The following PDE6H variants were observed in gnomAD, a reference collection of about 807,000 sequenced individuals.
The protein encoded by PDE6H is phosphodiesterase 6H, also known as retinal cone rhodopsin-sensitive cGMP 3',5'-cyclic phosphodiesterase subunit gamma.
Under a neutral mutation model 9.2 loss-of-function variants are expected in PDE6H, and 11 were observed. That is an observed-to-expected ratio of 1.19 (90% CI 0.75 to 1.97). PDE6H has a LOEUF of 1.97. Ranked by LOEUF, PDE6H falls within the 30% of genes most tolerant of loss-of-function variation. PDE6H has a pLI of 0.00. For synonymous variants in PDE6H, 36 were observed against 33.6 expected (o/e 1.07, Z -0.25); for missense variants, 98 against 101.5 (o/e 0.97, Z 0.15).
intron 1 of PDE6H, among the ~76,000 whole-genome samples, chr12:14,976,426 G>C (rs1039379658): frequency 6.6e-6 from 1 of 152,196 alleles, no homozygotes; most frequent in African/African-American, 2.4e-5. Flanking sequence ...AAACAGTATG[G>C]ACTGGAAGTT....
intron 3 of PDE6H, among the ~76,000 whole-genome samples, chr12:14,980,471 C>T (rs1185337407): frequency 6.6e-6 from 1 of 152,208 alleles, no homozygotes; most frequent in African/African-American, 2.4e-5. Flanking sequence ...ATTTTCAACT[C>T]ATCCAACACA....
At chr12:14,975,890 A>G (rs1864586953) in intron 1 of PDE6H, among the ~76,000 whole-genome samples, 2 of 143,946 alleles carry the variant, frequency 1.4e-5, no homozygotes, top group Non-Finnish European at 1.5e-5. Context: ...GCACAATCTC[A>G]GCTCACTGCA....
chr12:14,979,100 C>A, intron 2 of PDE6H, 79 bp from the exon 3 acceptor site: 1 of 909,880 alleles, frequency 1.1e-6, no homozygotes, highest in Non-Finnish European at 1.8e-6. Context: ...CCCCTTGAAT[C>A]AAGAAACTCT....
intron 1 of PDE6H, among the ~76,000 whole-genome samples, chr12:14,975,631 G>A (rs750323441): frequency 6.6e-6 from 1 of 151,972 alleles, no homozygotes; most frequent in Non-Finnish European, 1.5e-5. Flanking sequence ...ACAGACACAA[G>A]GTTTGCCTGT....
Position 14,978,164 on chromosome 12 carries a change from A to G in PDE6H, c.134+18A>G. The stretch of plus-strand genomic sequence containing the variant: ...GTGAAAGGGTAAGACCAAAATGAAA[A>G]GAAAAACTTTCTATTACTTTCTTTT... On this transcript the variant is annotated intron_variant, in intron 2 of 3. Transcript: ENST00000266395. 1.2e-6 allele frequency: 2 copies of G among 1,611,412 alleles called. No individual in the cohort carries two copies. The highest frequency in any genetic ancestry group is 8.5e-7 in the Non-Finnish European group (1 of 1,178,284).
chr12:14,976,923 T>G (rs2120823707), intron 1 of PDE6H, among the ~76,000 whole-genome samples: 1 of 152,322 alleles, frequency 6.6e-6, no homozygotes, highest in East Asian at 1.9e-4. Flanking sequence ...TCATCCAAAA[T>G]GACACATTAA....
intron 1 of PDE6H, among the ~76,000 whole-genome samples, chr12:14,975,842 A>C (rs1592304523): frequency 7.7e-6 from 1 of 130,478 alleles, no homozygotes; most frequent in Non-Finnish European, 1.6e-5. Flanking sequence ...TTTTTTGGAG[A>C]CGGGGTCTTG....
At chr12:14,979,044 A>G (rs1864640079) in intron 2 of PDE6H, 135 bp from the exon 3 acceptor site, 2 of 706,548 alleles carry the variant, frequency 2.8e-6, no homozygotes, top group Admixed American at 4.1e-5. Context: ...TTCAGGGCAA[A>G]CTAAAGGAGT....
intron 2 of PDE6H, 57 bp downstream of exon 2, chr12:14,978,203 C>A (rs572688764): frequency 1.3e-6 from 2 of 1,545,736 alleles, no homozygotes; most frequent in Non-Finnish European, 1.8e-6. Context: ...CACAAGACTG[C>A]TTTTGTTTTG....
chr12:14,979,464 C>A (rs1197022872), intron 3 of PDE6H, among the ~76,000 whole-genome samples: 1 of 152,158 alleles, frequency 6.6e-6, no homozygotes, highest in Admixed American at 6.5e-5. Flanking sequence ...GTCAAACAAC[C>A]TTTGAGGGCA....
intron 2 of PDE6H, 109 bp from the exon 3 acceptor site, chr12:14,979,070 A>C (rs761320078): frequency 7.5e-5 from 57 of 760,634 alleles, no homozygotes; most frequent in Non-Finnish European, 1.3e-4. Context: ...ACATACAAAC[A>C]CTTAAACCTC....
At chr12:14,975,366 TA>T (rs1864576158) in intron 1 of PDE6H, among the ~76,000 whole-genome samples, 1 of 88,980 alleles carries the variant, frequency 1.1e-5, no homozygotes, top group Admixed American at 1.2e-4. Context: ...GGGTGTCTTG[TA>T]ATTTTTTTTT....
intron 1 of PDE6H, among the ~76,000 whole-genome samples, chr12:14,975,270 A>G (rs547528174): frequency 6.6e-6 from 1 of 152,210 alleles, no homozygotes; most frequent in South Asian, 2.1e-4. Flanking sequence ...AAAAAAAATG[A>G]CTTTTTAAAG....
chr12:14,974,490 G>T (rs965829444), intron 1 of PDE6H, among the ~76,000 whole-genome samples: 1 of 152,196 alleles, frequency 6.6e-6, no homozygotes, highest in Non-Finnish European at 1.5e-5. Flanking sequence ...TTCTGAGGAG[G>T]CTTCTTTCAT....
chr12:14,974,975 C>T (rs1441336293), intron 1 of PDE6H, among the ~76,000 whole-genome samples: 1 of 152,166 alleles, frequency 6.6e-6, no homozygotes, highest in East Asian at 1.9e-4. Flanking sequence ...CCCCATAACT[C>T]TAAAAGGAAG....
intron 1 of PDE6H, among the ~76,000 whole-genome samples, chr12:14,973,432 A>C (rs1010560245): frequency 6.6e-6 from 1 of 152,170 alleles, no homozygotes; most frequent in Non-Finnish European, 1.5e-5. Flanking sequence ...AACCACAGAG[A>C]AAACAGTTCT....
chr12:14,976,629 T>C (rs1456553729), intron 1 of PDE6H, among the ~76,000 whole-genome samples: 1 of 151,850 alleles, frequency 6.6e-6, no homozygotes, highest in Non-Finnish European at 1.5e-5. Flanking sequence ...TTTGAGGCTG[T>C]AGTGAGCTAT....
Position 14,979,220 on chromosome 12 carries a change from G to A in PDE6H, c.175+1G>A. On this transcript the variant is annotated splice_donor_variant, in intron 3 of 3. Transcript: ENST00000266395. LOFTEE classifies it high-confidence loss of function. ...CCAGGAATGGAGGGGCTAGGAACAG[G>A]TAAGCCATCCACTGATTTAAGTGAG... is the stretch of plus-strand genomic sequence containing the variant. The A allele has an allele frequency of 1.2e-6, 2 of 1,603,628 alleles. No individual in the cohort carries two copies. Among genetic ancestry groups the A allele is most frequent in the South Asian group, 2.2e-5 (2 of 90,806 alleles).
At chr12:14,973,417 T>A (rs1242241925) in intron 1 of PDE6H, among the ~76,000 whole-genome samples, 1 of 152,178 alleles carries the variant, frequency 6.6e-6, no homozygotes, top group Non-Finnish European at 1.5e-5. Flanking sequence ...TCTGTGGCAC[T>A]AAATAACCAC....
Sources: gnomAD v4.1 joint callset for allele counts (sites outside exome capture counted in the v4.1 genomes callset) on GRCh38, gnomAD v4.1.1 for gene constraint, MANE v1.5 for transcripts, NCBI Gene and HGNC (gene_info 2026-07-23, HGNC 2026-07-21) for gene names.